The following PCSK2 variants were observed in gnomAD, a reference collection of about 807,000 sequenced individuals.
PCSK2 encodes the protein neuroendocrine convertase 2.
Under a neutral mutation model 69.7 loss-of-function variants are expected in PCSK2, and 14 were observed. The ratio of observed to expected loss-of-function variants is 0.20; its 90% CI spans 0.13 to 0.31. PCSK2 has a LOEUF of 0.31. PCSK2 is among the 10% of genes least tolerant of loss of function. The pLI, the probability that PCSK2 is intolerant of heterozygous loss-of-function variation, is 1.00. For missense variants in PCSK2, 544 were observed against 842.5 expected (o/e 0.65, Z 4.39); for synonymous variants, 307 against 320.7 (o/e 0.96, Z 0.46).
chr20:17,481,457 C>G (rs944775254), intron 11 of PCSK2, 127 bp from the exon 12 acceptor site: 45 of 607,752 alleles, frequency 7.4e-5, no homozygotes, highest in Non-Finnish European at 1.1e-4. Context: ...AGTGTGGGAA[C>G]TAAACCCAGG....
At chr20:17,235,917 C>T (rs559826307) in intron 1 of PCSK2, among the ~76,000 whole-genome samples, 6 of 152,014 alleles carry the variant, frequency 3.9e-5, no homozygotes, top group South Asian at 4.1e-4. Flanking sequence ...AATTAAATCA[C>T]GAGATAAGTT....
chr20:17,327,957 A>T (rs948091535), intron 2 of PCSK2, among the ~76,000 whole-genome samples: 25 of 152,204 alleles, frequency 1.6e-4, no homozygotes, highest in African/African-American at 5.3e-4. Flanking sequence ...CGCGATGCCC[A>T]TGTTGAGAAG....
intron 1 of PCSK2, among the ~76,000 whole-genome samples, chr20:17,235,010 A>G (rs150390606): frequency 6.6e-6 from 1 of 152,298 alleles, no homozygotes; most frequent in African/African-American, 2.4e-5. Context: ...GCTAAAGTCC[A>G]CAAGTGATTA....
chr20:17,299,902 A>G (rs968789315), intron 2 of PCSK2, among the ~76,000 whole-genome samples: 2 of 152,172 alleles, frequency 1.3e-5, no homozygotes, highest in East Asian at 1.9e-4. Flanking sequence ...CTATATGTCT[A>G]TTTTGGTGAA....
At chr20:17,303,456 T>G (rs62202217) in intron 2 of PCSK2, among the ~76,000 whole-genome samples, 1 of 55,302 alleles carries the variant, frequency 1.8e-5, no homozygotes, top group African/African-American at 6.9e-5. Flanking sequence ...TATATTATAT[T>G]AAATATAATA....
intron 8 of PCSK2, among the ~76,000 whole-genome samples, chr20:17,444,126 C>T (rs1052651826): frequency 6.6e-6 from 1 of 152,158 alleles, no homozygotes; most frequent in African/African-American, 2.4e-5. Flanking sequence ...AGGAAAAATC[C>T]ACTTCTGAAA....
At chr20:17,315,432 C>A (rs2123119610) in intron 2 of PCSK2, among the ~76,000 whole-genome samples, 1 of 152,350 alleles carries the variant, frequency 6.6e-6, no homozygotes, top group East Asian at 1.9e-4. Flanking sequence ...TAAGGGAACC[C>A]GTGGGTGGCC....
intron 2 of PCSK2, among the ~76,000 whole-genome samples, chr20:17,324,881 C>T (rs1032073760): frequency 9.9e-5 from 15 of 152,236 alleles, no homozygotes; most frequent in Admixed American, 7.2e-4. Flanking sequence ...AGAAGACAGA[C>T]CCCCTACTGC....
At position 17,453,299 on chromosome 20, in the gene PCSK2, T is replaced by C. The variant is rs1271848671; in HGVS notation, c.886-443T>C. Reference sequence around the variant, plus strand: ...GCTTATGTAGCTAAGAAAAATTATATGTCCATATACTTGCATTTTCACTAA... The same window carrying C: ...GCTTATGTAGCTAAGAAAAATTATACGTCCATATACTTGCATTTTCACTAA... On this transcript the variant is annotated intron_variant, in intron 8 of 11. Transcript: ENST00000262545. The surrounding 1 kb of genome is among the most constrained non-coding windows in gnomAD (Gnocchi z 4.0). 6.6e-6 allele frequency among the ~76,000 whole-genome samples: 1 copy of C among 152,202 alleles called. No homozygotes were observed. Among genetic ancestry groups the C allele is most frequent in the Non-Finnish European group, 1.5e-5 (1 of 68,030 alleles).
chr20:17,389,065 T>A (rs1466028283), intron 5 of PCSK2, among the ~76,000 whole-genome samples: 1 of 152,296 alleles, frequency 6.6e-6, no homozygotes, highest in East Asian at 1.9e-4. Flanking sequence ...AAACTGCAAT[T>A]CTCATGACCC....
At chr20:17,472,444 C>T (rs2033218138) in intron 11 of PCSK2, among the ~76,000 whole-genome samples, 1 of 152,240 alleles carries the variant, frequency 6.6e-6, no homozygotes, top group South Asian at 2.1e-4. Context: ...GAAAACCTCA[C>T]CATGGCCACC....
At chr20:17,250,375 G>A (rs6044700) in intron 1 of PCSK2, among the ~76,000 whole-genome samples, 6,005 of 152,206 alleles carry the variant, frequency 0.039, 144 homozygotes, top group Middle Eastern at 0.13. Flanking sequence ...TACACGTTAT[G>A]TATTTTTGGT....
intron 2 of PCSK2, among the ~76,000 whole-genome samples, chr20:17,329,358 A>G (rs759390499): frequency 1.3e-5 from 2 of 152,208 alleles, no homozygotes; most frequent in Non-Finnish European, 2.9e-5. Context: ...ATATGAGCTA[A>G]CCCCAAAACA....
intron 2 of PCSK2, among the ~76,000 whole-genome samples, chr20:17,299,155 A>G (rs1024843215): frequency 6.6e-6 from 1 of 152,046 alleles, no homozygotes; most frequent in African/African-American, 2.4e-5. Flanking sequence ...TGAGATCAAC[A>G]TTTTCCTAAG....
At chr20:17,460,402 A>G (rs577819873) in intron 10 of PCSK2, among the ~76,000 whole-genome samples, 1 of 152,352 alleles carries the variant, frequency 6.6e-6, no homozygotes, top group East Asian at 1.9e-4. Context: ...CCACCGCCAC[A>G]CTTCAAGGGA....
chr20:17,369,093 C>T (rs541808155), intron 4 of PCSK2, 147 bp from the exon 5 acceptor site: 2 of 695,768 alleles, frequency 2.9e-6, no homozygotes, highest in South Asian at 3.3e-5. Flanking sequence ...AGGTGCAAGA[C>T]TGGGAGCTGT....
chr20:17,243,422 A>G lies in PCSK2; in HGVS notation c.177+15940A>G, dbSNP rs1986656691. Among the ~76,000 whole-genome samples the G allele has an allele frequency of 3.9e-5, 6 of 151,992 alleles. No homozygotes were observed. The South Asian group carries it at 1.0e-3, about 26-fold the overall frequency. The stretch of plus-strand genomic sequence containing the variant: ...GCAATGTTGCCCAGGCTGGTCTCAA[A>G]CTCCTGGGCTCAAATGATCCTCCTG... On this transcript the variant is annotated intron_variant, in intron 1 of 11. Coordinates refer to ENST00000262545, the MANE Select transcript of PCSK2 (RefSeq NM_002594.5).
rs187509746 is a variant in PCSK2, at chr20:17,395,124, T to C, written c.544-14139T>C. Among the ~76,000 whole-genome samples, 252 of 152,346 alleles carry C rather than the reference T, an allele frequency of 1.7e-3. 2 individuals are homozygous for C. The highest frequency in any genetic ancestry group is 5.7e-3 in the African/African-American group (237 of 41,578). ...AGTGCCTTGTACTTCTTTCTGTTTA[T>C]CTCCCAAGGTCACGACACTCTATTT... On this transcript the variant is annotated intron_variant, in intron 5 of 11. Transcript: ENST00000262545.
At chr20:17,448,217 A>G (rs1273713390) in intron 8 of PCSK2, among the ~76,000 whole-genome samples, 2 of 152,020 alleles carry the variant, frequency 1.3e-5, no homozygotes, top group Non-Finnish European at 2.9e-5. Flanking sequence ...ACCCATACCA[A>G]CCCCAGACCA....
Sources: gnomAD v4.1 joint callset for allele counts (sites outside exome capture counted in the v4.1 genomes callset) on GRCh38, gnomAD v4.1.1 for gene constraint, Gnocchi (gnomAD v3.1) non-coding constraint, MANE v1.5 for transcripts, NCBI Gene and HGNC (gene_info 2026-07-23, HGNC 2026-07-21) for gene names.